The following TOX variants were observed in gnomAD, a reference collection of about 807,000 sequenced individuals.
TOX encodes the protein thymocyte selection associated high mobility group box, also known as thymocyte selection-associated high mobility group box protein TOX.
In TOX, 11 loss-of-function variants were observed where a neutral mutation model predicts 53.7. That is an observed-to-expected ratio of 0.20 (90% confidence interval 0.13 to 0.34). TOX has a LOEUF of 0.34. TOX is among the 10% of genes least tolerant of loss of function. The pLI is 1.00. For missense variants in TOX, 570 were observed against 664.6 expected, an observed-to-expected ratio of 0.86 and a Z score of 1.56; for synonymous variants, 225 against 245.3, an observed-to-expected ratio of 0.92 and a Z score of 0.77.
intron 1 of TOX, among the ~76,000 whole-genome samples, chr8:59,005,534 T>C (rs568008630): frequency 1.3e-5 from 2 of 152,330 alleles, no homozygotes; most frequent in African/African-American, 4.8e-5. Flanking sequence ...GTTACATTTG[T>C]TAAAATAGTA....
intron 7 of TOX, among the ~76,000 whole-genome samples, chr8:58,809,645 C>T (rs942879171): frequency 6.6e-6 from 1 of 152,198 alleles, no homozygotes; most frequent in Admixed American, 6.5e-5. Flanking sequence ...AGCTTGTTTA[C>T]GGAAAATAAG....
At chr8:58,993,645 T>G (rs1813497932) in intron 1 of TOX, among the ~76,000 whole-genome samples, 1 of 152,128 alleles carries the variant, frequency 6.6e-6, no homozygotes, top group Non-Finnish European at 1.5e-5. Context: ...TAGGATGAAA[T>G]AACATTTCAC....
chr8:58,840,714 A>G (rs1810629303), intron 4 of TOX, among the ~76,000 whole-genome samples: 1 of 152,106 alleles, frequency 6.6e-6, no homozygotes, highest in African/African-American at 2.4e-5. Context: ...CCTTTTCACA[A>G]CCAAACTCCT....
At chr8:58,839,413 T>C (rs1371397992) in intron 4 of TOX, among the ~76,000 whole-genome samples, 3 of 152,252 alleles carry the variant, frequency 2.0e-5, no homozygotes, top group Non-Finnish European at 4.4e-5. Context: ...TAAGAGTAGA[T>C]TCTATTTTCT....
chr8:58,930,640 G>A (rs1812241381), intron 3 of TOX, among the ~76,000 whole-genome samples: 1 of 152,156 alleles, frequency 6.6e-6, no homozygotes, highest in South Asian at 2.1e-4. Flanking sequence ...TCTAGAAGAA[G>A]CACTGGAGGA....
intron 1 of TOX, among the ~76,000 whole-genome samples, chr8:59,001,384 A>G (rs1253141636): frequency 1.3e-5 from 2 of 152,202 alleles, no homozygotes; most frequent in African/African-American, 2.4e-5. Flanking sequence ...CTACTAACAC[A>G]TACCTCCCAC....
intron 1 of TOX, among the ~76,000 whole-genome samples, chr8:59,108,637 T>C (rs1404959789): frequency 6.7e-6 from 1 of 148,234 alleles, no homozygotes; most frequent in East Asian, 2.0e-4. Context: ...ACACTGAAGA[T>C]TCCTAAATCA....
At chr8:59,085,415 G>T (rs1229022690) in intron 1 of TOX, among the ~76,000 whole-genome samples, 1 of 151,388 alleles carries the variant, frequency 6.6e-6, no homozygotes, top group Non-Finnish European at 1.5e-5. Flanking sequence ...TTAAGACAGG[G>T]TCTTACTCTG....
chr8:59,032,133 G>A (rs1285760438), intron 1 of TOX, among the ~76,000 whole-genome samples: 1 of 152,178 alleles, frequency 6.6e-6, no homozygotes, highest in South Asian at 2.1e-4. Flanking sequence ...CAGAAATGGA[G>A]AGGAAGAGAT....
chr8:58,927,629 G>T (rs1812187144), intron 3 of TOX, among the ~76,000 whole-genome samples: 1 of 152,204 alleles, frequency 6.6e-6, no homozygotes, highest in African/African-American at 2.4e-5. Flanking sequence ...AATGTCAGTT[G>T]ATTGGTTGTT....
chr8:58,874,629 A>G (rs922546995), intron 3 of TOX, among the ~76,000 whole-genome samples: 2 of 152,228 alleles, frequency 1.3e-5, no homozygotes, highest in South Asian at 2.1e-4. Context: ...AATCCACCTT[A>G]ATTTAAAACA....
chr8:58,947,010 T>C (rs959042417), intron 2 of TOX, among the ~76,000 whole-genome samples: 3 of 152,194 alleles, frequency 2.0e-5, no homozygotes, highest in South Asian at 2.1e-4. Flanking sequence ...TATAAATTTA[T>C]AGAAATTCAG....
intron 1 of TOX, among the ~76,000 whole-genome samples, chr8:59,027,906 A>G (rs1355238691): frequency 6.6e-6 from 1 of 152,156 alleles, no homozygotes; most frequent in Non-Finnish European, 1.5e-5. Flanking sequence ...TTAGCTGGTT[A>G]AATTTAGCCA....
At position 58,967,625 on chromosome 8, in the gene TOX, C is replaced by A. The variant is rs541715143; in HGVS notation, c.103-7617G>T. Among the ~76,000 whole-genome samples the A allele has an allele frequency of 2.4e-4, 37 of 152,326 alleles. No homozygotes were observed. In the East Asian group the frequency reaches 3.3e-3, roughly 13 times the overall value. On this transcript the variant is annotated intron_variant, in intron 1 of 8. Coordinates refer to ENST00000361421, the MANE Select transcript of TOX (RefSeq NM_014729.3). ...TTTTGGGTAACATACTCTGAGAGTG[C>A]AGGGAAATTTCCTATTGTCCCATGG...
chr8:58,879,063 A>G (rs1022252644), intron 3 of TOX, among the ~76,000 whole-genome samples: 1 of 151,528 alleles, frequency 6.6e-6, no homozygotes, highest in Non-Finnish European at 1.5e-5. Context: ...TTCATCTCAA[A>G]AAAAAAAAAA....
intron 2 of TOX, among the ~76,000 whole-genome samples, chr8:58,944,521 T>A (rs773564402): frequency 6.6e-6 from 1 of 152,196 alleles, no homozygotes; most frequent in Non-Finnish European, 1.5e-5. Flanking sequence ...CATGACTTCT[T>A]CAGTGACTGT....
rs533547758 is a variant in TOX at position 58,850,603 on chromosome 8, T to C, written c.693+921A>G. ...CAGCTGTGAATTGTTGGCTTGTTTA[T>C]AGAAAGGGGGCTAGCAGAGTGTCGT... is the stretch of plus-strand genomic sequence containing the variant. On this transcript the variant is annotated intron_variant, in intron 4 of 8. Transcript: ENST00000361421. Among the ~76,000 whole-genome samples, 10 of 152,310 alleles carry C rather than the reference T, an allele frequency of 6.6e-5. No individual in the cohort carries two copies. The East Asian group carries it at 1.5e-3, about 24-fold the overall frequency.
At chr8:58,882,660 G>C (rs1811403457) in intron 3 of TOX, among the ~76,000 whole-genome samples, 1 of 152,186 alleles carries the variant, frequency 6.6e-6, no homozygotes, top group South Asian at 2.1e-4. Flanking sequence ...AAAAAGGTAA[G>C]TTCAAGTTCA....
At chr8:58,849,185 G>A (rs1476677345) in intron 4 of TOX, among the ~76,000 whole-genome samples, 2 of 152,060 alleles carry the variant, frequency 1.3e-5, no homozygotes, top group Non-Finnish European at 2.9e-5. Flanking sequence ...TGGAGACAAG[G>A]TGAAAAACAG....
Sources: gnomAD v4.1 joint callset for allele counts (sites outside exome capture counted in the v4.1 genomes callset) on GRCh38, gnomAD v4.1.1 for gene constraint, MANE v1.5 for transcripts, NCBI Gene and HGNC (gene_info 2026-07-23, HGNC 2026-07-21) for gene names.